ARSG: variants seen among roughly 807,000 people sequenced by gnomAD.
ARSG encodes the protein arylsulfatase G, also known as ASG.
Under a neutral mutation model 50.5 loss-of-function variants are expected in ARSG, and 37 were observed. The observed-to-expected ratio is 0.73, with a 90% CI of 0.56 to 0.96. ARSG has a LOEUF of 0.96. Among genes scored for constraint, ARSG ranks in the 50% least tolerant of loss-of-function variants. ARSG has a pLI of 0.00. For missense variants in ARSG, 629 were observed against 675.3 expected, an observed-to-expected ratio of 0.93 and a Z score of 0.76; for synonymous variants, 225 against 254.6, an observed-to-expected ratio of 0.88 and a Z score of 1.11.
intron 8 of ARSG, among the ~76,000 whole-genome samples, chr17:68,377,662 A>G (rs9913897): frequency 0.52 from 78,309 of 152,016 alleles, 21,677 homozygotes; most frequent in African/African-American, 0.72. Flanking sequence ...AACCTGGCGG[A>G]ACCCCACCCA....
chr17:68,300,643 A>C (rs1485908648), intron 1 of ARSG, among the ~76,000 whole-genome samples: 1 of 152,142 alleles, frequency 6.6e-6, no homozygotes, highest in African/African-American at 2.4e-5. Context: ...CCGCAGGGCT[A>C]CTGGGTTTTT....
At chr17:68,285,008 G>A (rs1555753971) in intron 1 of ARSG, among the ~76,000 whole-genome samples, 2 of 152,110 alleles carry the variant, frequency 1.3e-5, no homozygotes, top group East Asian at 1.9e-4. Flanking sequence ...CCAGGTCCTC[G>A]CTTTCACTAT....
downstream of ARSG, chr17:68,422,432 A>G (rs1461583786): frequency 7.3e-6 from 1 of 136,132 alleles, no homozygotes; most frequent in Non-Finnish European, 1.6e-5. Flanking sequence ...CCATCTCAAA[A>G]AAAAAAAAGT....
At chr17:68,424,356 C>T (rs766487520), downstream of ARSG, 3 of 498,728 alleles carry the variant, frequency 6.0e-6, no homozygotes, top group Non-Finnish European at 4.2e-6. Context: ...TGCAGGGCCC[C>T]ACCGCAGCTT....
At chr17:68,445,259 G>A in the ARSG span, among the ~76,000 whole-genome samples, 1 of 152,158 alleles carries the variant, frequency 6.6e-6, no homozygotes, top group African/African-American at 2.4e-5. Context: ...CCTGTGCCAT[G>A]TAAGACAATT....
intron 1 of ARSG, among the ~76,000 whole-genome samples, chr17:68,306,145 G>A (rs1324024876): frequency 2.0e-5 from 3 of 151,998 alleles, no homozygotes; most frequent in African/African-American, 7.2e-5. Context: ...TGGGATTGCA[G>A]GCATACGCCA....
chr17:68,327,063 G>C (rs1056202060), intron 2 of ARSG, among the ~76,000 whole-genome samples: 1 of 152,194 alleles, frequency 6.6e-6, no homozygotes, highest in Non-Finnish European at 1.5e-5. Flanking sequence ...TCCTCCTGGA[G>C]GGTAAGGAAA....
chr17:68,363,719 G>A (rs2079407825), intron 6 of ARSG, among the ~76,000 whole-genome samples: 1 of 151,988 alleles, frequency 6.6e-6, no homozygotes, highest in Non-Finnish European at 1.5e-5. Flanking sequence ...CAACTGCCTC[G>A]GCCTCCCAAA....
intron 2 of ARSG, among the ~76,000 whole-genome samples, chr17:68,323,042 T>G (rs1555771153): frequency 6.6e-6 from 1 of 151,914 alleles, no homozygotes; most frequent in Non-Finnish European, 1.5e-5. Context: ...GAGGGCTCTC[T>G]CTCTCTCTCT....
chr17:68,363,647 A>C (rs1370902005), intron 6 of ARSG, among the ~76,000 whole-genome samples: 1 of 151,972 alleles, frequency 6.6e-6, no homozygotes. Flanking sequence ...TTGTATTTTT[A>C]GTAGAGATGG....
At chr17:68,338,559 A>C (rs771745092) in intron 2 of ARSG, among the ~76,000 whole-genome samples, 1 of 152,164 alleles carries the variant, frequency 6.6e-6, no homozygotes, top group Non-Finnish European at 1.5e-5. Flanking sequence ...ACCTGACTGC[A>C]TAGTGCCACG....
the ARSG span, chr17:68,450,662 T>TCCA: frequency 2.6e-6 from 4 of 1,526,668 alleles, no homozygotes; most frequent in Non-Finnish European, 2.6e-6. Flanking sequence ...TCTTGAAAGA[T>TCCA]GTCCATCTTT....
intron 2 of ARSG, among the ~76,000 whole-genome samples, chr17:68,314,244 G>C (rs944369826): frequency 1.3e-5 from 2 of 151,764 alleles, no homozygotes; most frequent in African/African-American, 2.4e-5. Context: ...TAAGTAATCT[G>C]GGCCGGGCAC....
chr17:68,271,005 T>C lies in ARSG; in HGVS notation c.-552+11579T>C, dbSNP rs782545186. On this transcript the variant is annotated intron_variant, in intron 1 of 11. Transcript: ENST00000448504. This position sits in a 1 kb window ranked among gnomAD's most constrained non-coding sequence, Gnocchi z 5.3. ...ACCCAAAAAATATGCTGCATGACATTAGACCCCAGAATTCAGTAGCAAAAG... is the reference window on the plus strand; with the variant it reads ...ACCCAAAAAATATGCTGCATGACATCAGACCCCAGAATTCAGTAGCAAAAG... 2 of 1,614,126 alleles carry C rather than the reference T, an allele frequency of 1.2e-6. No homozygotes were observed. The highest frequency in any genetic ancestry group is 1.7e-6 in the Non-Finnish European group (2 of 1,180,026).
intron 1 of ARSG, among the ~76,000 whole-genome samples, chr17:68,264,871 C>T (rs1251237626): frequency 6.6e-6 from 1 of 151,628 alleles, no homozygotes; most frequent in Non-Finnish European, 1.5e-5. Flanking sequence ...ACATAATTAG[C>T]GGCCTGGTGT....
downstream of ARSG, chr17:68,421,811 A>G: frequency 5.0e-6 from 8 of 1,614,170 alleles, no homozygotes; most frequent in Non-Finnish European, 5.1e-6. Context: ...TTTCCACGGC[A>G]CAAGATTATC....
chr17:68,315,057 C>T (rs1369484351), intron 2 of ARSG, among the ~76,000 whole-genome samples: 2 of 152,230 alleles, frequency 1.3e-5, no homozygotes, highest in Non-Finnish European at 2.9e-5. Flanking sequence ...CTTGGTACCA[C>T]CCTACTTTTC....
chr17:68,297,843 C>T (rs8072825), intron 1 of ARSG, among the ~76,000 whole-genome samples: 2,434 of 152,222 alleles, frequency 0.016, 68 homozygotes, highest in African/African-American at 0.056. Context: ...TTTATTATCC[C>T]TTTATCCTCA....
chr17:68,413,334 G>C (rs1204450694), intron 11 of ARSG, among the ~76,000 whole-genome samples: 13 of 152,178 alleles, frequency 8.5e-5, no homozygotes, highest in South Asian at 2.1e-4. Context: ...AGTTTTCCTT[G>C]TAACAGACAG....
Sources: gnomAD v4.1 joint callset for allele counts (sites outside exome capture counted in the v4.1 genomes callset) on GRCh38, gnomAD v4.1.1 for gene constraint, Gnocchi (gnomAD v3.1) non-coding constraint, MANE v1.5 for transcripts, NCBI Gene and HGNC (gene_info 2026-07-23, HGNC 2026-07-21) for gene names.